The following MGAT4C variants were observed in gnomAD, a reference collection of about 807,000 sequenced individuals.
MGAT4C encodes the protein alpha-1,3-mannosyl-glycoprotein 4-beta-N-acetylglucosaminyltransferase C.
In MGAT4C, 19 loss-of-function variants were observed where a neutral mutation model predicts 40.1. The ratio of observed to expected loss-of-function variants is 0.47; its 90% CI spans 0.33 to 0.70. The LOEUF (loss-of-function observed/expected upper bound fraction) is 0.70. MGAT4C is among the 30% of genes least tolerant of loss of function. The probability of loss-of-function intolerance (pLI) is 0.02; values close to 1 mark genes in which losing one functional copy is unlikely to be tolerated. For synonymous variants in MGAT4C, 181 were observed against 187.1 expected (o/e 0.97, Z 0.27); for missense variants, 491 against 563.2 (o/e 0.87, Z 1.30).
chr12:86,828,145 A>T (rs1196588675), intron 1 of MGAT4C, among the ~76,000 whole-genome samples: 1 of 151,134 alleles, frequency 6.6e-6, no homozygotes, highest in Non-Finnish European at 1.5e-5. Flanking sequence ...AAAATCTGTT[A>T]TGAATAAAAT....
chr12:86,838,053 T>A (rs1377031256), intron 1 of MGAT4C, among the ~76,000 whole-genome samples: 1 of 152,220 alleles, frequency 6.6e-6, no homozygotes, highest in Admixed American at 6.5e-5. Context: ...TGTAGCATAA[T>A]TAACTGAAAC....
chr12:86,093,253 T>C (rs1283121118), intron 1 of MGAT4C, among the ~76,000 whole-genome samples: 1 of 152,190 alleles, frequency 6.6e-6, no homozygotes, highest in Non-Finnish European at 1.5e-5. Flanking sequence ...TGTTCCTTTC[T>C]ACTGACTCTT....
chr12:85,991,191 G>A (rs1040778191), intron 2 of MGAT4C, among the ~76,000 whole-genome samples: 9 of 152,158 alleles, frequency 5.9e-5, no homozygotes, highest in Non-Finnish European at 2.9e-5. Flanking sequence ...CCTCTCTGCT[G>A]CTGGTTGATC....
chr12:86,001,839 T>C (rs575971977), intron 2 of MGAT4C: 1 of 159,184 alleles, frequency 6.3e-6, no homozygotes, highest in Non-Finnish European at 1.3e-5. Flanking sequence ...CGGTAACTTT[T>C]TAGTCAACGG....
intron 3 of MGAT4C, among the ~76,000 whole-genome samples, chr12:86,341,043 C>T (rs763994224): frequency 2.6e-5 from 4 of 152,114 alleles, no homozygotes; most frequent in Non-Finnish European, 4.4e-5. Flanking sequence ...GTGGCTCTCA[C>T]GGAGAGGAAC....
chr12:86,571,804 T>A (rs1555205953), intron 2 of MGAT4C, among the ~76,000 whole-genome samples: 1 of 152,152 alleles, frequency 6.6e-6, no homozygotes, highest in Non-Finnish European at 1.5e-5. Flanking sequence ...TGTTCTTCTA[T>A]GAGTTTAAGG....
At chr12:86,183,977 A>G (rs1353093) in intron 1 of MGAT4C, among the ~76,000 whole-genome samples, 3 of 152,194 alleles carry the variant, frequency 2.0e-5, no homozygotes, top group Admixed American at 2.0e-4. Context: ...ATTTAAAAAT[A>G]TTGAAGAGAA....
chr12:86,588,435 C>G (rs1211135322), intron 2 of MGAT4C, among the ~76,000 whole-genome samples: 1 of 151,986 alleles, frequency 6.6e-6, no homozygotes, highest in Non-Finnish European at 1.5e-5. Flanking sequence ...GAGACTTAGA[C>G]TAACACACAT....
Position 86,838,409 on chromosome 12 carries a change from T to C in MGAT4C, c.-262+257A>G, listed in dbSNP as rs539159626. Reference sequence around the variant, plus strand: ...CCTCAAGAGAATTAATATGAACTTATGATAATGCAGCCTGCAGCACGGTTT... The same window carrying C: ...CCTCAAGAGAATTAATATGAACTTACGATAATGCAGCCTGCAGCACGGTTT... On this transcript the variant is annotated intron_variant, in intron 1 of 7. Transcript: ENST00000548651. Among the ~76,000 whole-genome samples the C allele has an allele frequency of 1.1e-4, 16 of 152,334 alleles. 1 individual carries two copies. In the South Asian group the frequency reaches 3.1e-3, roughly 30 times the overall value.
chr12:86,251,131 G>T (rs981564056), intron 1 of MGAT4C, among the ~76,000 whole-genome samples: 1 of 138,108 alleles, frequency 7.2e-6, no homozygotes, highest in South Asian at 2.3e-4. Context: ...TTTATTTCCC[G>T]TTTTTTTTTT....
intron 3 of MGAT4C, among the ~76,000 whole-genome samples, chr12:86,416,294 A>T (rs948805566): frequency 6.6e-6 from 1 of 152,048 alleles, no homozygotes; most frequent in Non-Finnish European, 1.5e-5. Flanking sequence ...GGGATGGAAA[A>T]ATTTACATTC....
intron 1 of MGAT4C, among the ~76,000 whole-genome samples, chr12:86,772,121 C>A (rs778560609): frequency 2.6e-5 from 4 of 152,068 alleles, no homozygotes; most frequent in Non-Finnish European, 5.9e-5. Context: ...GGCTGAATGA[C>A]CATTTGCTAA....
chr12:86,215,502 G>A (rs1294075080), intron 1 of MGAT4C, among the ~76,000 whole-genome samples: 1 of 152,148 alleles, frequency 6.6e-6, no homozygotes. Context: ...TTCAGCCAAT[G>A]ATAATAGCCA....
chr12:86,309,216 CT>C (rs1446161353), intron 4 of MGAT4C, among the ~76,000 whole-genome samples: 1 of 141,510 alleles, frequency 7.1e-6, no homozygotes, highest in Non-Finnish European at 1.5e-5. Flanking sequence ...TGTTGTGGAT[CT>C]TCTGATAAAT....
intron 1 of MGAT4C, among the ~76,000 whole-genome samples, chr12:86,191,197 T>A (rs949877308): frequency 6.6e-6 from 1 of 151,852 alleles, no homozygotes; most frequent in East Asian, 2.0e-4. Flanking sequence ...TGGGAATGGT[T>A]CTAGAAGGAC....
chr12:86,469,683 T>C (rs1490323452), intron 2 of MGAT4C, among the ~76,000 whole-genome samples: 4 of 152,214 alleles, frequency 2.6e-5, no homozygotes, highest in East Asian at 3.9e-4. Context: ...TTTTTTCCAA[T>C]TGAGACTTGA....
chr12:86,048,410 C>G (rs1406505013), intron 2 of MGAT4C, among the ~76,000 whole-genome samples: 1 of 151,918 alleles, frequency 6.6e-6, no homozygotes, highest in Non-Finnish European at 1.5e-5. Flanking sequence ...TACCAAACGA[C>G]AGTGAAACAC....
At chr12:86,270,439 C>T (rs1952916291) in intron 4 of MGAT4C, among the ~76,000 whole-genome samples, 1 of 152,128 alleles carries the variant, frequency 6.6e-6, no homozygotes, top group South Asian at 2.1e-4. Flanking sequence ...CTTCCAGCCC[C>T]TAGCAACCAC....
chr12:86,469,673 T>A (rs1007644993), intron 2 of MGAT4C, among the ~76,000 whole-genome samples: 4 of 152,106 alleles, frequency 2.6e-5, no homozygotes, highest in Non-Finnish European at 4.4e-5. Flanking sequence ...ACCAACCTAA[T>A]TTTTTCCAAT....
Sources: gnomAD v4.1 joint callset for allele counts (sites outside exome capture counted in the v4.1 genomes callset) on GRCh38, gnomAD v4.1.1 for gene constraint, MANE v1.5 for transcripts, NCBI Gene and HGNC (gene_info 2026-07-23, HGNC 2026-07-21) for gene names.